The following APLP1 variants were observed in gnomAD, a reference collection of about 807,000 sequenced individuals.
APLP1 encodes amyloid beta precursor like protein 1.
In APLP1, 46 loss-of-function variants were observed where a neutral mutation model predicts 84.5. The ratio of observed to expected loss-of-function variants is 0.54; its 90% confidence interval spans 0.43 to 0.70. The LOEUF is 0.70. APLP1 is among the 30% of genes least tolerant of loss of function. The pLI, the probability that APLP1 is intolerant of heterozygous loss-of-function variation, is 0.00. For missense variants in APLP1, 826 were observed against 900.2 expected, an observed-to-expected ratio of 0.92 and a Z score of 1.05; for synonymous variants, 376 against 364.0, an observed-to-expected ratio of 1.03 and a Z score of -0.38.
intron 11 of APLP1, 133 bp downstream of exon 11, chr19:35,876,749 T>C: frequency 1.4e-6 from 1 of 739,716 alleles, no homozygotes; most frequent in Admixed American, 3.5e-5. Flanking sequence ...AAATCAACAA[T>C]GATTTTTCTT....
In APLP1 at chr19:35,879,722, G is replaced by C. The variant is rs114782076; in HGVS notation, c.*281G>C. ...TAAGGTGACCGCCACCTTGGTCCTA[G>C]TGTCTATTCCCTGGAATTCACCCTC... On this transcript the variant is annotated 3_prime_UTR_variant, in exon 17 of 17. Coordinates refer to ENST00000221891, the MANE Select transcript of APLP1 (RefSeq NM_001024807.3). The C allele has an allele frequency of 3.8e-3, 1,617 of 426,238 alleles. 21 individuals are homozygous for C. Among genetic ancestry groups the C allele is most frequent in the African/African-American group, 0.029 (1,430 of 48,712 alleles). The allele number at this position is 426,238 out of a possible 1,614,324, so 26.4% of individuals were successfully genotyped here.
Position 35,872,514 on chromosome 19 carries a change from G to C in APLP1, c.882G>C (p.Val294=). The change falls in exon 7 of 17, where the codon GTG becomes GTC. Residue 294 remains valine, a synonymous_variant. Coordinates refer to ENST00000221891, the MANE Select transcript of APLP1 (RefSeq NM_001024807.3). ...CCACCCCGAGGCCCACAGACGGTGT[G>C]GATATTTACTTTGGCATGCCTGGGG... is the stretch of plus-strand genomic sequence containing the variant. ...VTPTPRPTDG[V]DIYFGMPGEI... 1 of 1,613,758 alleles carries C rather than the reference G, an allele frequency of 6.2e-7. No individual in the cohort carries two copies. Among genetic ancestry groups the C allele is most frequent in the African/African-American group, 1.3e-5 (1 of 74,978 alleles).
In APLP1 at chr19:35,879,078, C is replaced by A. The variant is rs774538828; in HGVS notation, c.1718C>A (p.Pro573Gln). Residue 573 changes from proline (P) to glutamine (Q), a missense_variant, in exon 16 of 17, where the codon CCA becomes CAA. Around this residue, in one of 3 missense-constraint regions of APLP1, gnomAD observed 433 missense variants for 496.5 expected, o/e 0.87. Transcript: ENST00000221891. ...SSEIQRDELA[P>Q]AGTGVSREAV... ...CCCCATCTCCTCTCCCTGCAGGCACCAGCTGGGACAGGGGTGTCCCGTGAG... is the reference window on the plus strand; with the variant it reads ...CCCCATCTCCTCTCCCTGCAGGCACAAGCTGGGACAGGGGTGTCCCGTGAG... The A allele has an allele frequency of 1.9e-6, 3 of 1,612,242 alleles. No individual in the cohort carries two copies. Among genetic ancestry groups the A allele is most frequent in the East Asian group, 4.5e-5 (2 of 44,880 alleles).
intron 15 of APLP1, 48 bp downstream of exon 15, chr19:35,879,000 G>A (rs753776173): frequency 7.4e-6 from 12 of 1,613,684 alleles, no homozygotes; most frequent in Non-Finnish European, 1.0e-5. Context: ...CCAGAGGTCA[G>A]CGGCCAGGCT....
At chr19:35,871,153 C>T (rs1974134969) in intron 3 of APLP1, 84 bp from the exon 4 acceptor site, 2 of 1,537,790 alleles carry the variant, frequency 1.3e-6, no homozygotes, top group Admixed American at 3.9e-5. Flanking sequence ...AGAGAAGCCT[C>T]TGAGGATAAA....
At chr19:35,876,660 C>A (rs1408553186) in intron 11 of APLP1, 44 bp downstream of exon 11, 1 of 1,467,248 alleles carries the variant, frequency 6.8e-7, no homozygotes, top group Non-Finnish European at 9.3e-7. Flanking sequence ...TCTCTGAGGG[C>A]AGATCTTGAC....
Position 35,869,719 on chromosome 19 carries a change from G to C in APLP1, c.200G>C (p.Arg67Pro), listed in dbSNP as rs574157706. The C allele has an allele frequency of 6.2e-7, 1 of 1,611,740 alleles. No individual in the cohort carries two copies. ...CTATGCGGGCGCCTAACCCTTCACC[G>C]GGACCTGCGCACCGGCCGCTGGGAA... Reference protein sequence around the residue: ...AGLCGRLTLHRDLRTGRWEPD... With the variant: ...AGLCGRLTLHPDLRTGRWEPD... The change falls in exon 2 of 17, where the codon CGG becomes CCG. Residue 67 changes from arginine (R) to proline (P), a missense_variant. Transcript: ENST00000221891.
At chr19:35,869,619 C>T (rs1974088957) in intron 1 of APLP1, 48 bp from the exon 2 acceptor site, 1 of 1,604,448 alleles carries the variant, frequency 6.2e-7, no homozygotes, top group Non-Finnish European at 8.5e-7. Context: ...AGGGGACCCT[C>T]ATGCCAACGC....
intron 3 of APLP1, 65 bp downstream of exon 3, chr19:35,871,093 C>T (rs1974133744): frequency 1.3e-6 from 2 of 1,501,240 alleles, no homozygotes; most frequent in Non-Finnish European, 1.8e-6. Context: ...TTCTGAGCCC[C>T]TCTCTCAGGC....
chr19:35,878,876 TC>T lies in APLP1; in HGVS notation c.1651-12del. ...GCCAGGCTTCTGGGTTCCTGACACC[TC>T]CTGCTCCCCCAGGTGAATGCGTCTG... On this transcript the variant is annotated splice_polypyrimidine_tract_variant and intron_variant, in intron 14 of 16. Coordinates refer to ENST00000221891, the MANE Select transcript of APLP1 (RefSeq NM_001024807.3). The T allele has an allele frequency of 6.2e-7, 1 of 1,614,044 alleles. No individual in the cohort carries two copies. Among genetic ancestry groups the T allele is most frequent in the Non-Finnish European group, 8.5e-7 (1 of 1,179,970 alleles).
intron 1 of APLP1, chr19:35,869,399 G>T: frequency 1.6e-6 from 1 of 633,612 alleles, no homozygotes; most frequent in African/African-American, 1.9e-5. Context: ...CTCCAGAGCG[G>T]CTGCGCTGGG....
At chr19:35,873,455 GC>G (rs1217407540) in intron 7 of APLP1, among the ~76,000 whole-genome samples, 183 bp from the exon 8 acceptor site, 1 of 151,278 alleles carries the variant, frequency 6.6e-6, no homozygotes, top group East Asian at 2.0e-4. Flanking sequence ...CACCATGTTA[GC>G]CAGGATGGCC....
rs566515264 is a variant in APLP1, at chr19:35,870,014, G to A, written c.291+204G>A. Among the ~76,000 whole-genome samples the A allele has an allele frequency of 3.2e-4, 48 of 152,230 alleles. 2 individuals carry two copies. Among genetic ancestry groups the A allele is most frequent in the Admixed American group, 3.1e-3 (47 of 15,298 alleles). On this transcript the variant is annotated intron_variant, in intron 2 of 16. Coordinates refer to ENST00000221891, the MANE Select transcript of APLP1 (RefSeq NM_001024807.3). ...GAGCCGCGAGATAGCCAGAGAGGAA[G>A]TGGAATTTAGGAATCTGGTGGTCTT...
chr19:35,869,194 A>T, intron 1 of APLP1: 1 of 369,074 alleles, frequency 2.7e-6, no homozygotes, highest in East Asian at 5.9e-5. Context: ...CCAGTCCTTC[A>T]GTCACCACCC....
Position 35,868,889 on chromosome 19 carries a change from T to A in APLP1, c.147+106T>A. ...AGAAAGCGCGGTCTTTCCAGCCAGG[T>A]GGTCAGCCCCCAGGCGCCCCCAATC... is the stretch of plus-strand genomic sequence containing the variant. On this transcript the variant is annotated intron_variant, in intron 1 of 16. Transcript: ENST00000221891. This position sits in a 1 kb window ranked among gnomAD's most constrained non-coding sequence, Gnocchi z 5.2. 4.7e-6 allele frequency: 5 copies of A among 1,071,222 alleles called. No homozygotes were observed. Among genetic ancestry groups the A allele is most frequent in the Non-Finnish European group, 6.0e-6 (5 of 833,000 alleles). The allele number at this position is 1,071,222 out of a possible 1,614,324, so 66.4% of individuals were successfully genotyped here.
chr19:35,868,747 C>T lies in APLP1; in HGVS notation c.111C>T (p.Ile37=). The change falls in exon 1 of 17, where the codon ATC becomes ATT. Residue 37 remains isoleucine (I), a synonymous_variant. Coordinates refer to ENST00000221891, the MANE Select transcript of APLP1 (RefSeq NM_001024807.3). This position sits in a 1 kb window ranked among gnomAD's most constrained non-coding sequence, Gnocchi z 5.2. ...TGCTTCTGCGCGCGCAGCCCGCCAT[C>T]GGGAGCCTGGCCGGTGGGAGCCCCG... is the stretch of plus-strand genomic sequence containing the variant. The part of the protein sequence containing the change: ...LLLLLRAQPA[I]GSLAGGSPGA... 1 of 1,343,624 alleles carries T rather than the reference C, an allele frequency of 7.4e-7. No individual in the cohort carries two copies. The highest frequency in any genetic ancestry group is 1.7e-5 in the South Asian group (1 of 59,602). 83.2% of individuals were successfully genotyped at this position (1,343,624 alleles called of 1,614,324 possible).
Position 35,868,759 on chromosome 19 carries a change from C to T in APLP1, c.123C>T (p.Ala41=), listed in dbSNP as rs1974052060. The T allele has an allele frequency of 7.8e-7, 1 of 1,289,490 alleles. No homozygotes were observed. Among genetic ancestry groups the T allele is most frequent in the African/African-American group, 1.6e-5 (1 of 62,106 alleles). 79.9% of individuals were successfully genotyped at this position (1,289,490 alleles called of 1,614,324 possible). A position where few individuals can be genotyped will look rare whatever the true frequency, so the allele number is the denominator to read the frequency against. The part of the protein sequence containing the change: ...LRAQPAIGSL[A]GGSPGAAEAP... Reference sequence around the variant, plus strand: ...CGCAGCCCGCCATCGGGAGCCTGGCCGGTGGGAGCCCCGGCGCGGCCGAGG... The same window carrying T: ...CGCAGCCCGCCATCGGGAGCCTGGCTGGTGGGAGCCCCGGCGCGGCCGAGG... The change falls in exon 1 of 17, where the codon GCC becomes GCT. Residue 41 remains alanine (A), a synonymous_variant. Coordinates refer to ENST00000221891, the MANE Select transcript of APLP1 (RefSeq NM_001024807.3). This position sits in a 1 kb window ranked among gnomAD's most constrained non-coding sequence, Gnocchi z 5.2.
At chr19:35,876,090 G>A (rs1974276598) in intron 10 of APLP1, among the ~76,000 whole-genome samples, 1 of 152,284 alleles carries the variant, frequency 6.6e-6, no homozygotes, top group Non-Finnish European at 1.5e-5. Flanking sequence ...TCTCCTTCTT[G>A]TTCCTTGAAC....
intron 3 of APLP1, 58 bp from the exon 4 acceptor site, chr19:35,871,179 G>T: frequency 6.4e-7 from 1 of 1,570,194 alleles, no homozygotes; most frequent in South Asian, 1.2e-5. Flanking sequence ...TGGATTCTGA[G>T]GAGGGTGGGG....
Sources: allele counts gnomAD v4.1 joint callset (sites outside exome capture counted in the v4.1 genomes callset), GRCh38; gene constraint gnomAD v4.1.1; regional missense constraint gnomAD v4.1.1; non-coding constraint Gnocchi (gnomAD v3.1); transcripts MANE v1.5; gene names NCBI Gene and HGNC (gene_info 2026-07-23, HGNC 2026-07-21).